Variants in IL1R1 observed in about 807,000 individuals in gnomAD.
IL1R1 encodes interleukin 1 receptor type 1.
Under a neutral mutation model 50.2 loss-of-function variants are expected in IL1R1, and 22 were observed. The observed-to-expected ratio is 0.44, with a 90% CI of 0.31 to 0.63. The LOEUF (loss-of-function observed/expected upper bound fraction) is 0.63. Among genes scored for constraint, IL1R1 ranks in the 20% least tolerant of loss-of-function variants. The probability of loss-of-function intolerance (pLI) is 0.07; values close to 1 mark genes in which losing one functional copy is unlikely to be tolerated. For synonymous variants in IL1R1, 251 were observed against 236.7 expected (o/e 1.06, Z -0.55); for missense variants, 509 against 676.2 (o/e 0.75, Z 2.74).
Position 102,171,903 on chromosome 2 carries a change from G to A in IL1R1, c.824G>A (p.Gly275Glu), listed in dbSNP as rs1204207247. The change falls in exon 8 of 12, where the codon GGG becomes GAG. Residue 275 changes from glycine (G) to glutamate (E), a missense_variant. Gly to Glu is a moderately conservative substitution (Grantham distance 98). Transcript: ENST00000410023. ...ATTGATGAAGATGACCCAGTGCTAG[G>A]GGAAGACTATTACAGGTATGTATGC... ...SVIDEDDPVL[G>E]EDYYSVENPA... 3.2e-6 allele frequency: 5 copies of A among 1,577,818 alleles called. No homozygotes were observed. The highest frequency in any genetic ancestry group is 4.3e-6 in the Non-Finnish European group (5 of 1,150,582).
intron 1 of IL1R1, among the ~76,000 whole-genome samples, chr2:102,121,634 T>C (rs1430900435): frequency 2.0e-5 from 3 of 152,194 alleles, no homozygotes; most frequent in Non-Finnish European, 2.9e-5. Context: ...GGGTCCAGTC[T>C]TCCTCCATGA....
chr2:102,073,914 T>C (rs888783549), intron 1 of IL1R1, among the ~76,000 whole-genome samples: 1 of 152,114 alleles, frequency 6.6e-6, no homozygotes, highest in African/African-American at 2.4e-5. Context: ...ACAATGCCCC[T>C]CTTTTATGAT....
intron 1 of IL1R1, among the ~76,000 whole-genome samples, chr2:102,113,683 C>T (rs549611676): frequency 5.9e-5 from 9 of 152,324 alleles, no homozygotes; most frequent in African/African-American, 9.6e-5. Context: ...CAGCCAGTCT[C>T]GGAGGCTGCA....
chr2:102,108,237 TGTGTG>T lies in IL1R1; in HGVS notation c.-84+3367_-84+3371del, dbSNP rs1439237674. On this transcript the variant is annotated intron_variant, in intron 1 of 10. Coordinates refer to the IL1R1 transcript ENST00000409329. ...GTGTGTGTGTGTATGTATGTGTGTG[TGTGTG>T]GGGGGGGGTGTGTATAACATATTTC... is the stretch of plus-strand genomic sequence containing the variant. Among the ~76,000 whole-genome samples the T allele has an allele frequency of 1.0e-4, 10 of 96,158 alleles. No individual in the cohort carries two copies. In the South Asian group the frequency reaches 1.0e-3, roughly 10 times the overall value. 63.1% of individuals were successfully genotyped at this position (96,158 alleles called of 152,430 possible).
upstream of IL1R1, chr2:102,104,535 T>C (rs1050180140): frequency 2.6e-5 from 4 of 152,408 alleles, no homozygotes; most frequent in African/African-American, 9.7e-5. Context: ...GGCTCTGAGC[T>C]TCCTGTTCAT....
chr2:102,071,134 G>T (rs1462483649), intron 1 of IL1R1, among the ~76,000 whole-genome samples: 1 of 151,954 alleles, frequency 6.6e-6, no homozygotes, highest in Non-Finnish European at 1.5e-5. Flanking sequence ...GTACTTCAGA[G>T]GTCCAAAGCT....
At chr2:102,099,465 G>T (rs554487209) in intron 1 of IL1R1, among the ~76,000 whole-genome samples, 5 of 152,218 alleles carry the variant, frequency 3.3e-5, no homozygotes, top group African/African-American at 1.2e-4. Context: ...CATGGCCTTC[G>T]TTCCATCTCT....
intron 1 of IL1R1, among the ~76,000 whole-genome samples, chr2:102,109,449 A>G (rs944042586): frequency 6.6e-6 from 1 of 151,242 alleles, no homozygotes; most frequent in Non-Finnish European, 1.5e-5. Flanking sequence ...GTGAGGAGAG[A>G]TCCATCAGCC....
rs1421747774 is a variant in IL1R1 at position 102,177,702 on chromosome 2, A to C, written c.*943A>C. 2 of 152,390 alleles carry C rather than the reference A, an allele frequency of 1.3e-5. No homozygotes were observed. Among genetic ancestry groups the C allele is most frequent in the African/African-American group, 4.8e-5 (2 of 41,452 alleles). 9.4% of individuals were successfully genotyped at this position (152,390 alleles called of 1,614,324 possible). A position where few individuals can be genotyped will look rare whatever the true frequency, so the allele number is the denominator to read the frequency against. On this transcript the variant is annotated 3_prime_UTR_variant, in exon 12 of 12. Transcript: ENST00000410023. ...CAGGAGGGAGAGAACTTAAAAAAGC[A>C]ACAGTAGCAGGGAATTGATCCACTT... is the stretch of plus-strand genomic sequence containing the variant.
At position 102,177,306 on chromosome 2, in the gene IL1R1, C is replaced by A; in HGVS notation, c.*547C>A. 1 of 158,294 alleles carries A rather than the reference C, an allele frequency of 6.3e-6. No individual in the cohort carries two copies. The highest frequency in any genetic ancestry group is 1.4e-5 in the Non-Finnish European group (1 of 70,472). The allele number at this position is 158,294 out of a possible 1,614,324, so 9.8% of individuals were successfully genotyped here. ...ATGCCCTCTCTGAATGTTTGAACTGCCAAGAAAAGGCATGGAGACAGCGAA... is the reference window on the plus strand; with the variant it reads ...ATGCCCTCTCTGAATGTTTGAACTGACAAGAAAAGGCATGGAGACAGCGAA... On this transcript the variant is annotated 3_prime_UTR_variant, in exon 12 of 12. Transcript: ENST00000410023.
intron 3 of IL1R1, among the ~76,000 whole-genome samples, chr2:102,159,761 C>T (rs983654791): frequency 6.6e-5 from 10 of 152,096 alleles, no homozygotes; most frequent in Admixed American, 2.6e-4. Context: ...TGGGACTTTT[C>T]GAGGAGCTCC....
Position 102,176,793 on chromosome 2 carries a change from T to C in IL1R1, c.*34T>C, listed in dbSNP as rs556958827. ...AGTTGCCAAGAGTTCTTTAGGTGCC[T>C]CCTGTCTTATGGCGTTGCAGGCCAG... On this transcript the variant is annotated 3_prime_UTR_variant, in exon 12 of 12. Coordinates refer to ENST00000410023, the MANE Select transcript of IL1R1 (RefSeq NM_000877.4). The C allele has an allele frequency of 6.2e-7, 1 of 1,600,568 alleles. No homozygotes were observed. Among genetic ancestry groups the C allele is most frequent in the South Asian group, 1.1e-5 (1 of 89,672 alleles).
intron 9 of IL1R1, among the ~76,000 whole-genome samples, chr2:102,173,581 T>C (rs1002975010): frequency 3.9e-5 from 6 of 152,282 alleles, no homozygotes; most frequent in Non-Finnish European, 7.4e-5. Flanking sequence ...CTAAAAAATA[T>C]TGAGATAAAT....
chr2:102,112,093 G>T (rs987472040), intron 1 of IL1R1, among the ~76,000 whole-genome samples: 1 of 151,944 alleles, frequency 6.6e-6, no homozygotes, highest in Admixed American at 6.6e-5. Flanking sequence ...TGATGAGGCT[G>T]CTTTGTTTAT....
chr2:102,161,814 C>T (rs1049263976), intron 3 of IL1R1, among the ~76,000 whole-genome samples: 6 of 152,058 alleles, frequency 3.9e-5, no homozygotes, highest in African/African-American at 1.2e-4. Context: ...ATTCTTGTGC[C>T]TCAGCCTCCC....
intron 5 of IL1R1, 28 bp from the exon 6 acceptor site, chr2:102,166,085 T>G (rs1685157573): frequency 6.3e-7 from 1 of 1,594,728 alleles, no homozygotes; most frequent in African/African-American, 1.3e-5. Context: ...GTTATTGGTT[T>G]TCAATGCTTC....
intron 1 of IL1R1, among the ~76,000 whole-genome samples, chr2:102,085,108 G>T (rs149336410): frequency 5.9e-5 from 9 of 152,170 alleles, no homozygotes; most frequent in African/African-American, 1.9e-4. Context: ...ATTTGCAGTG[G>T]TTTTTAATGC....
intron 1 of IL1R1, among the ~76,000 whole-genome samples, chr2:102,125,691 G>A (rs1307853100): frequency 1.3e-5 from 2 of 152,194 alleles, no homozygotes; most frequent in African/African-American, 4.8e-5. Context: ...GGTCTTGGGT[G>A]TAATATTTCA....
intron 1 of IL1R1, among the ~76,000 whole-genome samples, chr2:102,129,302 A>C (rs77838991): frequency 6.6e-6 from 1 of 151,644 alleles, no homozygotes; most frequent in East Asian, 1.9e-4. Context: ...AACAAAACCA[A>C]AACAAGAACT....
Sources: allele counts gnomAD v4.1 joint callset (sites outside exome capture counted in the v4.1 genomes callset), GRCh38; gene constraint gnomAD v4.1.1; transcripts MANE v1.5; gene names NCBI Gene and HGNC (gene_info 2026-07-23, HGNC 2026-07-21).